Variants in RXFP2 observed in about 807,000 individuals in gnomAD.
RXFP2 encodes relaxin receptor 2.
Under a neutral mutation model 88.6 loss-of-function variants are expected in RXFP2, and 68 were observed. The observed-to-expected ratio is 0.77, with a 90% CI of 0.63 to 0.94. The LOEUF (loss-of-function observed/expected upper bound fraction) is 0.94. RXFP2 is among the 40% of genes least tolerant of loss of function. RXFP2 has a pLI of 0.00. For missense variants in RXFP2, 791 were observed against 893.9 expected (o/e 0.88, Z 1.47); for synonymous variants, 329 against 306.8 (o/e 1.07, Z -0.76).
intron 17 of RXFP2, among the ~76,000 whole-genome samples, 173 bp from the exon 18 acceptor site, chr13:31,801,973 C>T (rs1390972264): frequency 6.6e-6 from 1 of 152,188 alleles, no homozygotes; most frequent in Non-Finnish European, 1.5e-5. Flanking sequence ...ATCGTTAAGA[C>T]CTTGAATTCA....
chr13:31,758,521 A>T, intron 2 of RXFP2, 117 bp downstream of exon 2: 14 of 1,228,992 alleles, frequency 1.1e-5, no homozygotes, highest in Non-Finnish European at 1.3e-5. Context: ...TTCTGTAGGG[A>T]TTTCCTTTGA....
rs1047400140 is a variant in RXFP2 at position 31,766,588 on chromosome 13, C to G, written c.497+561C>G. Among the ~76,000 whole-genome samples the G allele has an allele frequency of 5.3e-5, 8 of 151,920 alleles. No homozygotes were observed. The East Asian group carries it at 1.2e-3, about 22-fold the overall frequency. ...TCCAGAATCATCCAAGAAAGAAAACCGGGAACTGGGAAATATAATCCCTAG... is the reference window on the plus strand; with the variant it reads ...TCCAGAATCATCCAAGAAAGAAAACGGGGAACTGGGAAATATAATCCCTAG... On this transcript the variant is annotated intron_variant, in intron 5 of 17. Coordinates refer to ENST00000298386, the MANE Select transcript of RXFP2 (RefSeq NM_130806.5).
chr13:31,785,201 T>C (rs187990374), intron 11 of RXFP2, among the ~76,000 whole-genome samples: 1 of 152,236 alleles, frequency 6.6e-6, no homozygotes, highest in African/African-American at 2.4e-5. Flanking sequence ...ATAAGCATCC[T>C]TGGGGACTTG....
chr13:31,752,972 C>T (rs778237609), intron 1 of RXFP2, among the ~76,000 whole-genome samples: 23 of 152,180 alleles, frequency 1.5e-4, no homozygotes, highest in Non-Finnish European at 3.1e-4. Flanking sequence ...CAAGGCTTGC[C>T]GGCAATTTCT....
At chr13:31,781,485 A>T (rs559670575) in intron 9 of RXFP2, among the ~76,000 whole-genome samples, 186 bp from the exon 10 acceptor site, 3 of 152,238 alleles carry the variant, frequency 2.0e-5, no homozygotes, top group Admixed American at 2.0e-4. Context: ...CCTCAATTTT[A>T]TTAACATTAG....
chr13:31,758,118 G>T, intron 1 of RXFP2, 140 bp from the exon 2 acceptor site: 1 of 859,364 alleles, frequency 1.2e-6, no homozygotes, highest in South Asian at 1.4e-5. Context: ...TTGTCATTGA[G>T]AATATTATTC....
At chr13:31,744,727 T>TC (rs1871343101) in intron 1 of RXFP2, among the ~76,000 whole-genome samples, 2 of 152,156 alleles carry the variant, frequency 1.3e-5, no homozygotes, top group African/African-American at 4.8e-5. Flanking sequence ...TGTTTTTTTT[T>TC]TCAGTGACTA....
intron 1 of RXFP2, among the ~76,000 whole-genome samples, chr13:31,746,236 G>A (rs540618300): frequency 6.6e-6 from 1 of 152,244 alleles, no homozygotes; most frequent in East Asian, 1.9e-4. Context: ...CATACACCTG[G>A]AAAAACTGGC....
At chr13:31,799,472 C>T (rs1593475424) in intron 17 of RXFP2, among the ~76,000 whole-genome samples, 1 of 152,232 alleles carries the variant, frequency 6.6e-6, no homozygotes, top group Admixed American at 6.5e-5. Flanking sequence ...GCTTTGGCCT[C>T]CTAAAGTGCT....
chr13:31,795,775 T>C (rs1874004206), intron 16 of RXFP2, among the ~76,000 whole-genome samples: 3 of 152,100 alleles, frequency 2.0e-5, no homozygotes, highest in Non-Finnish European at 4.4e-5. Flanking sequence ...CTGTGAGAAA[T>C]GAGATGATCA....
At chr13:31,763,436 T>A (rs1872396503) in intron 3 of RXFP2, among the ~76,000 whole-genome samples, 5 of 152,046 alleles carry the variant, frequency 3.3e-5, no homozygotes, top group Admixed American at 3.3e-4. Flanking sequence ...GCTGCTGGCA[T>A]CTAGTGGGTA....
intron 2 of RXFP2, 77 bp from the exon 3 acceptor site, chr13:31,761,647 A>G (rs758481894): frequency 8.5e-6 from 8 of 946,322 alleles, no homozygotes; most frequent in Non-Finnish European, 1.4e-5. Context: ...GTTTAAAATC[A>G]TTACCAAATT....
rs546802074 is a variant in RXFP2 at position 31,764,046 on chromosome 13, A to C, written c.320-991A>C. 1.7e-3 allele frequency among the ~76,000 whole-genome samples: 254 copies of C among 152,306 alleles called. 1 individual carries two copies. Among genetic ancestry groups the C allele is most frequent in the Non-Finnish European group, 2.7e-3 (186 of 68,028 alleles). ...AACATTTGGATAAAAGTGATCTAAA[A>C]GAAGAAGGGCACCTGAAAAGAACTT... On this transcript the variant is annotated intron_variant, in intron 3 of 17. Coordinates refer to ENST00000298386, the MANE Select transcript of RXFP2 (RefSeq NM_130806.5).
At chr13:31,762,454 A>C (rs1040433251) in intron 3 of RXFP2, among the ~76,000 whole-genome samples, 1 of 152,230 alleles carries the variant, frequency 6.6e-6, no homozygotes, top group Non-Finnish European at 1.5e-5. Flanking sequence ...TTCTGAGTGC[A>C]TGAGGTGGAG....
intron 3 of RXFP2, among the ~76,000 whole-genome samples, chr13:31,763,200 T>A (rs1218292767): frequency 6.7e-6 from 1 of 150,018 alleles, no homozygotes; most frequent in Non-Finnish European, 1.5e-5. Context: ...TCCTTCCAAC[T>A]CAGCCTCCTG....
intron 1 of RXFP2, among the ~76,000 whole-genome samples, chr13:31,740,863 C>A (rs1372230722): frequency 6.6e-6 from 1 of 151,994 alleles, no homozygotes; most frequent in Non-Finnish European, 1.5e-5. Context: ...ACAGTTGCAA[C>A]AAGCAGTCTA....
intron 4 of RXFP2, among the ~76,000 whole-genome samples, 156 bp downstream of exon 4, chr13:31,765,298 G>GA (rs1423965093): frequency 2.6e-5 from 4 of 152,074 alleles, no homozygotes; most frequent in African/African-American, 9.7e-5. Context: ...TATTCAGGGG[G>GA]AAAAAATGGT....
intron 16 of RXFP2, 111 bp from the exon 17 acceptor site, chr13:31,797,090 A>G (rs941337670): frequency 2.5e-6 from 2 of 812,778 alleles, no homozygotes; most frequent in Non-Finnish European, 4.3e-6. Context: ...TCCGAAATCC[A>G]AAACATTTCT....
At chr13:31,787,919 G>A (rs1873623542) in intron 13 of RXFP2, among the ~76,000 whole-genome samples, 1 of 152,206 alleles carries the variant, frequency 6.6e-6, no homozygotes, top group South Asian at 2.1e-4. Flanking sequence ...AGGATTATAG[G>A]CGTGAGCCAC....
Sources: allele counts gnomAD v4.1 joint callset (sites outside exome capture counted in the v4.1 genomes callset), GRCh38; gene constraint gnomAD v4.1.1; transcripts MANE v1.5; gene names NCBI Gene and HGNC (gene_info 2026-07-23, HGNC 2026-07-21).